The following STAG1 variants were observed in gnomAD, a reference collection of about 807,000 sequenced individuals.
The protein encoded by STAG1 is STAG1 cohesin complex component, also known as cohesin subunit SA-1.
Under a neutral mutation model 170.9 loss-of-function variants are expected in STAG1, and 26 were observed. That is an observed-to-expected ratio of 0.15 (90% CI 0.11 to 0.21). The LOEUF (loss-of-function observed/expected upper bound fraction) is 0.21, where lower values mean the gene tolerates loss of function less well. Ranked by LOEUF, STAG1 falls within the 10% of genes least tolerant of loss-of-function variation. The probability of loss-of-function intolerance (pLI) is 1.00; values close to 1 mark genes in which losing one functional copy is unlikely to be tolerated. For synonymous variants in STAG1, 514 were observed against 497.7 expected (o/e 1.03, Z -0.44); for missense variants, 964 against 1,509.5 (o/e 0.64, Z 5.99).
Position 136,433,630 on chromosome 3 carries a change from T to C in STAG1, c.1576A>G (p.Ile526Val). ...CGAATTGTACAAACCATTAGCTCTA[T>C]AAGAGCACTCTCTTGACGATCAGAC... is the stretch of plus-strand genomic sequence containing the variant. ...AMSDRQESAL[I>V]ELMVCTIRQA... Residue 526 changes from isoleucine (I) to valine (V), a missense_variant, in exon 16 of 34, where the codon ATA (isoleucine) becomes GTA (valine). Physicochemically the swap from Ile to Val is conservative, Grantham distance 29 (BLOSUM62 3). This residue lies in a region of STAG1 where 162 missense variants were observed against 211.2 expected (regional missense o/e 0.77). Coordinates refer to ENST00000383202, the MANE Select transcript of STAG1 (RefSeq NM_005862.3). The C allele has an allele frequency of 6.2e-7, 1 of 1,609,660 alleles. No individual in the cohort carries two copies. The highest frequency in any genetic ancestry group is 8.5e-7 in the Non-Finnish European group (1 of 1,178,392).
chr3:136,490,767 A>T (rs2090110624), intron 9 of STAG1, among the ~76,000 whole-genome samples: 1 of 152,216 alleles, frequency 6.6e-6, no homozygotes, highest in Admixed American at 6.5e-5. Flanking sequence ...TCATTGTAAC[A>T]TAAAAGGATG....
At chr3:136,532,959 A>G (rs1935450651) in intron 6 of STAG1, among the ~76,000 whole-genome samples, 1 of 152,200 alleles carries the variant, frequency 6.6e-6, no homozygotes, top group Admixed American at 6.5e-5. Context: ...TCCAAATTGG[A>G]AAAGAGGAAG....
chr3:136,725,337 T>C (rs556059017), intron 1 of STAG1, among the ~76,000 whole-genome samples: 1 of 152,294 alleles, frequency 6.6e-6, no homozygotes, highest in South Asian at 2.1e-4. Flanking sequence ...ATTTCCTATT[T>C]CTAAAATCTG....
chr3:136,737,083 A>G, intron 1 of STAG1: 2 of 1,019,170 alleles, frequency 2.0e-6, no homozygotes, highest in Non-Finnish European at 3.1e-6. Flanking sequence ...AAACTGAAGT[A>G]AGAGGAACCA....
intron 5 of STAG1, among the ~76,000 whole-genome samples, chr3:136,566,511 T>C (rs1403684945): frequency 6.6e-6 from 1 of 152,212 alleles, no homozygotes. Flanking sequence ...GCTACTGAAT[T>C]GGTACACTTT....
chr3:136,581,620 C>T (rs908759514), intron 4 of STAG1, among the ~76,000 whole-genome samples: 18 of 152,056 alleles, frequency 1.2e-4, no homozygotes, highest in Admixed American at 6.6e-5. Flanking sequence ...TACATTTATA[C>T]AAAACCTTAA....
chr3:136,612,574 C>T (rs1939356208), intron 3 of STAG1, among the ~76,000 whole-genome samples: 1 of 152,118 alleles, frequency 6.6e-6, no homozygotes, highest in South Asian at 2.1e-4. Context: ...GTGCCTGTAG[C>T]TCCAGCTATG....
intron 4 of STAG1, among the ~76,000 whole-genome samples, chr3:136,572,502 A>AGT (rs1162591212): frequency 1.3e-5 from 2 of 149,746 alleles, no homozygotes; most frequent in Admixed American, 6.7e-5. Context: ...CTGAGGTGAG[A>AGT]GATCACTTAA....
intron 13 of STAG1, among the ~76,000 whole-genome samples, chr3:136,460,998 G>T (rs1447750177): frequency 6.6e-6 from 1 of 152,112 alleles, no homozygotes; most frequent in Non-Finnish European, 1.5e-5. Context: ...AATCAAGCAG[G>T]ATTTATATCA....
At chr3:136,518,448 T>A (rs1559853681) in intron 7 of STAG1, 1 of 699,764 alleles carries the variant, frequency 1.4e-6, no homozygotes, top group Non-Finnish European at 2.6e-6. Context: ...TATCTTTTAA[T>A]CTATTCCTCG....
At chr3:136,704,159 T>C (rs1428857698) in intron 1 of STAG1, among the ~76,000 whole-genome samples, 1 of 151,026 alleles carries the variant, frequency 6.6e-6, no homozygotes, top group Admixed American at 6.6e-5. Flanking sequence ...CAAGTGATTC[T>C]CCTGCCTCAG....
intron 1 of STAG1, among the ~76,000 whole-genome samples, chr3:136,687,727 G>A (rs995982489): frequency 1.3e-5 from 2 of 150,680 alleles, no homozygotes; most frequent in African/African-American, 4.9e-5. Context: ...AGGTATCTAA[G>A]AAGAGACCAA....
chr3:136,339,145 A>G (rs1310964972), intron 32 of STAG1, among the ~76,000 whole-genome samples: 1 of 152,200 alleles, frequency 6.6e-6, no homozygotes, highest in African/African-American at 2.4e-5. Context: ...AAGACCATCT[A>G]AAGACAAAGG....
intron 16 of STAG1, among the ~76,000 whole-genome samples, chr3:136,432,252 G>A (rs547315735): frequency 6.2e-4 from 95 of 152,022 alleles, no homozygotes; most frequent in African/African-American, 2.2e-3. Context: ...AATTCCATTT[G>A]GGTTTTCATT....
intron 2 of STAG1, among the ~76,000 whole-genome samples, chr3:136,629,154 TACA>T (rs1392161922): frequency 6.6e-6 from 1 of 152,200 alleles, no homozygotes; most frequent in Non-Finnish European, 1.5e-5. Flanking sequence ...ACTCATGTAA[TACA>T]ACTTCAATTT....
chr3:136,342,682 A>G (rs1363021898), intron 30 of STAG1, among the ~76,000 whole-genome samples: 1 of 152,272 alleles, frequency 6.6e-6, no homozygotes, highest in East Asian at 1.9e-4. Flanking sequence ...TTTTTTAGCC[A>G]ATACAAACTG....
intron 3 of STAG1, among the ~76,000 whole-genome samples, chr3:136,618,788 T>G (rs999795664): frequency 6.6e-6 from 1 of 152,100 alleles, no homozygotes; most frequent in Admixed American, 6.5e-5. Context: ...ATCAATATTA[T>G]TTTCATATTT....
chr3:136,454,360 C>T (rs551763593), intron 13 of STAG1, among the ~76,000 whole-genome samples: 14 of 148,544 alleles, frequency 9.4e-5, no homozygotes, highest in African/African-American at 3.5e-4. Context: ...GATTACAGGC[C>T]TGAGCCACCG....
intron 15 of STAG1, among the ~76,000 whole-genome samples, chr3:136,436,343 G>A (rs111418620): frequency 7.9e-5 from 12 of 152,020 alleles, no homozygotes; most frequent in African/African-American, 1.7e-4. Context: ...GTACAGTGGC[G>A]TGATCTCGGC....
Sources: allele counts gnomAD v4.1 joint callset (sites outside exome capture counted in the v4.1 genomes callset), GRCh38; gene constraint gnomAD v4.1.1; regional missense constraint gnomAD v4.1.1; transcripts MANE v1.5; gene names NCBI Gene and HGNC (gene_info 2026-07-23, HGNC 2026-07-21).